The following GLRA1 variants were observed in gnomAD, a reference collection of about 807,000 sequenced individuals.
GLRA1 encodes the protein glycine receptor subunit alpha-1.
A neutral mutation model predicts 48.3 loss-of-function variants in GLRA1; 37 were observed. The observed-to-expected ratio is 0.77, with a 90% CI of 0.59 to 1.01. The LOEUF is 1.01. Ranked by LOEUF, GLRA1 falls within the 50% of genes least tolerant of loss-of-function variation. The probability of loss-of-function intolerance (pLI) is 0.00; values close to 1 mark genes in which losing one functional copy is unlikely to be tolerated. For missense variants in GLRA1, 427 were observed against 571.0 expected (o/e 0.75, Z 2.57); for synonymous variants, 196 against 210.7 (o/e 0.93, Z 0.60).
intron 3 of GLRA1, among the ~76,000 whole-genome samples, chr5:151,882,604 G>A (rs1276828100): frequency 1.3e-5 from 2 of 152,124 alleles, no homozygotes; most frequent in Non-Finnish European, 2.9e-5. Flanking sequence ...GAGAGCATCA[G>A]ACCTGTGTTT....
At chr5:151,881,963 G>A (rs942573969) in intron 3 of GLRA1, among the ~76,000 whole-genome samples, 3 of 152,156 alleles carry the variant, frequency 2.0e-5, no homozygotes, top group African/African-American at 7.2e-5. Flanking sequence ...TTGGACCCAT[G>A]GTGCACAACT....
intron 3 of GLRA1, among the ~76,000 whole-genome samples, chr5:151,861,086 A>G (rs994882244): frequency 4.6e-5 from 7 of 152,230 alleles, no homozygotes; most frequent in African/African-American, 1.7e-4. Flanking sequence ...ATAGTATTCC[A>G]TGGTGTATAT....
chr5:151,867,352 A>G (rs905519385), intron 3 of GLRA1, among the ~76,000 whole-genome samples: 4 of 152,258 alleles, frequency 2.6e-5, no homozygotes, highest in South Asian at 2.1e-4. Flanking sequence ...CTCTAAGCCT[A>G]TATGTCTCAC....
chr5:151,834,022 A>G (rs1312142336), intron 7 of GLRA1, among the ~76,000 whole-genome samples: 1 of 152,168 alleles, frequency 6.6e-6, no homozygotes, highest in Non-Finnish European at 1.5e-5. Context: ...TCACACAATA[A>G]TAGTGGGAGA....
At chr5:151,886,516 C>A (rs1753910785) in intron 3 of GLRA1, among the ~76,000 whole-genome samples, 1 of 152,138 alleles carries the variant, frequency 6.6e-6, no homozygotes, top group Non-Finnish European at 1.5e-5. Context: ...CCTGCTAGGT[C>A]TTTGGCTATT....
chr5:151,859,746 G>A lies in GLRA1; in HGVS notation c.476+39C>T, dbSNP rs539581717. ...CCCAGAAGGTAGTGGGGCAAGACAT[G>A]TTCTGAGCAGGGAGTGGGTGAACCT... On this transcript the variant is annotated intron_variant, in intron 4 of 8. Coordinates refer to ENST00000274576, the MANE Select transcript of GLRA1 (RefSeq NM_000171.4). 451 of 1,422,910 alleles carry A rather than the reference G, an allele frequency of 3.2e-4. 2 individuals carry two copies. The African/African-American group carries it at 5.5e-3, about 17-fold the overall frequency. The allele number at this position is 1,422,910 out of a possible 1,614,324, so 88.1% of individuals were successfully genotyped here. A position where few individuals can be genotyped will look rare whatever the true frequency, so the allele number is the denominator to read the frequency against.
chr5:151,847,262 G>A (rs1240842228), intron 7 of GLRA1, among the ~76,000 whole-genome samples: 2 of 152,206 alleles, frequency 1.3e-5, no homozygotes, highest in Non-Finnish European at 2.9e-5. Context: ...AGAGCAGAAT[G>A]TGACTCAAAC....
chr5:151,878,473 G>C (rs1274659948), intron 3 of GLRA1, among the ~76,000 whole-genome samples: 1 of 152,178 alleles, frequency 6.6e-6, no homozygotes, highest in Non-Finnish European at 1.5e-5. Flanking sequence ...CATAAGTAAT[G>C]AGGAGCCAAA....
intron 3 of GLRA1, among the ~76,000 whole-genome samples, chr5:151,878,249 A>G (rs549226739): frequency 1.3e-5 from 2 of 152,276 alleles, no homozygotes; most frequent in Non-Finnish European, 2.9e-5. Context: ...CCTGCCCCAG[A>G]GATTTGTGGA....
chr5:151,834,694 G>C (rs1763520500), intron 7 of GLRA1, among the ~76,000 whole-genome samples: 1 of 152,132 alleles, frequency 6.6e-6, no homozygotes, highest in Non-Finnish European at 1.5e-5. Context: ...GGGCTGGTTT[G>C]TTGAAGATTA....
At chr5:151,866,037 A>T (rs1315759237) in intron 3 of GLRA1, among the ~76,000 whole-genome samples, 1 of 152,158 alleles carries the variant, frequency 6.6e-6, no homozygotes, top group Admixed American at 6.5e-5. Flanking sequence ...AAGTTCAGGG[A>T]CTGGAGGAGC....
Position 151,822,639 on chromosome 5 carries a change from C to G in GLRA1, c.*34G>C, listed in dbSNP as rs758202137. 8 of 1,485,798 alleles carry G rather than the reference C, an allele frequency of 5.4e-6. No individual in the cohort carries two copies. Among genetic ancestry groups the G allele is most frequent in the Non-Finnish European group, 6.6e-6 (7 of 1,063,442 alleles). 92.0% of individuals were successfully genotyped at this position (1,485,798 alleles called of 1,614,324 possible). On this transcript the variant is annotated 3_prime_UTR_variant, in exon 9 of 9. Transcript: ENST00000274576. The stretch of plus-strand genomic sequence containing the variant: ...AGATTCCTGTGCTATTCCCACGTTC[C>G]CCTCTCCCAGCCTCCCCCAACCTTT...
chr5:151,865,130 T>A (rs1046687455), intron 3 of GLRA1, among the ~76,000 whole-genome samples: 6 of 152,172 alleles, frequency 3.9e-5, no homozygotes, highest in Admixed American at 3.9e-4. Flanking sequence ...TTAACTGAGC[T>A]CTCTTAAGTG....
At chr5:151,885,667 C>G (rs989887772) in intron 3 of GLRA1, among the ~76,000 whole-genome samples, 2 of 152,150 alleles carry the variant, frequency 1.3e-5, no homozygotes, top group African/African-American at 4.8e-5. Flanking sequence ...GGCTGGAGAG[C>G]TGTAAGCAAT....
At chr5:151,893,470 T>G (rs1337229001) in intron 1 of GLRA1, among the ~76,000 whole-genome samples, 5 of 151,958 alleles carry the variant, frequency 3.3e-5, no homozygotes, top group Non-Finnish European at 7.4e-5. Context: ...TTTAAGCCCC[T>G]CTTGCATTAG....
intron 4 of GLRA1, among the ~76,000 whole-genome samples, chr5:151,859,110 G>T (rs1016884639): frequency 1.3e-5 from 2 of 152,148 alleles, no homozygotes; most frequent in Non-Finnish European, 2.9e-5. Flanking sequence ...AAAAGTACCT[G>T]GCATAGTTAG....
chr5:151,840,429 C>T (rs1394669625), intron 7 of GLRA1, among the ~76,000 whole-genome samples: 1 of 151,806 alleles, frequency 6.6e-6, no homozygotes. Context: ...AAGGCAGTAA[C>T]GGAGGAACAA....
At chr5:151,834,944 C>A (rs532127728) in intron 7 of GLRA1, among the ~76,000 whole-genome samples, 1 of 143,768 alleles carries the variant, frequency 7.0e-6, no homozygotes, top group Admixed American at 7.3e-5. Flanking sequence ...AGGAGAATAG[C>A]GTGAACCCGA....
intron 3 of GLRA1, among the ~76,000 whole-genome samples, chr5:151,860,632 T>G (rs1753172708): frequency 6.6e-6 from 1 of 152,250 alleles, no homozygotes; most frequent in Non-Finnish European, 1.5e-5. Flanking sequence ...CCCATTCGCT[T>G]TTAATACCAG....
Sources: gnomAD v4.1 joint callset for allele counts (sites outside exome capture counted in the v4.1 genomes callset) on GRCh38, gnomAD v4.1.1 for gene constraint, MANE v1.5 for transcripts, NCBI Gene and HGNC (gene_info 2026-07-23, HGNC 2026-07-21) for gene names.